Variants in PLG observed in about 807,000 individuals in gnomAD.
PLG encodes plasminogen.
A neutral mutation model predicts 104.4 loss-of-function variants in PLG; 41 were observed. The ratio of observed to expected loss-of-function variants is 0.39; its 90% CI spans 0.31 to 0.51. The LOEUF (loss-of-function observed/expected upper bound fraction) is 0.51. Among genes scored for constraint, PLG ranks in the 20% least tolerant of loss-of-function variants. PLG has a pLI of 0.76. For missense variants in PLG, 891 were observed against 1,003.6 expected (o/e 0.89, Z 1.52); for synonymous variants, 337 against 357.1 (o/e 0.94, Z 0.63).
rs1167388829 is a variant in PLG, at chr6:160,737,437, C to A, written c.1802+430C>A. On this transcript the variant is annotated intron_variant, in intron 14 of 18. Transcript: ENST00000308192. This position sits in a 1 kb window ranked among gnomAD's most constrained non-coding sequence, Gnocchi z 4.7. ...CTCCAGTCTATCACAGGCACAGATT[C>A]TTTTTCTTTGGACACTTTCGTGAAT... Among the ~76,000 whole-genome samples the A allele has an allele frequency of 6.6e-6, 1 of 152,164 alleles. No individual in the cohort carries two copies. The highest frequency in any genetic ancestry group is 1.5e-5 in the Non-Finnish European group (1 of 68,040).
At chr6:160,711,381 C>T (rs1777638073) in intron 4 of PLG, 190 bp downstream of exon 4, 6 of 695,056 alleles carry the variant, frequency 8.6e-6, no homozygotes, top group Non-Finnish European at 1.5e-5. Flanking sequence ...AATGTAAATG[C>T]TATTTAATCG....
At chr6:160,729,715 C>G (rs1777968971) in intron 10 of PLG, among the ~76,000 whole-genome samples, 1 of 152,154 alleles carries the variant, frequency 6.6e-6, no homozygotes, top group Admixed American at 6.6e-5. Flanking sequence ...TAGTATTTCC[C>G]TCTGGCAGTG....
intron 7 of PLG, 132 bp from the exon 8 acceptor site, chr6:160,718,162 G>T (rs1350016913): frequency 2.6e-5 from 20 of 759,402 alleles, no homozygotes; most frequent in Non-Finnish European, 4.6e-5. Flanking sequence ...TGAGGCAGGA[G>T]AATGACTTGA....
rs372972552 is a variant in PLG, at chr6:160,706,480, G to T, written c.123G>T (p.Leu41=). The T allele has an allele frequency of 1.2e-6, 2 of 1,613,774 alleles. No individual in the cohort carries two copies. The highest frequency in any genetic ancestry group is 1.3e-5 in the African/African-American group (1 of 74,912). Residue 41 remains leucine, a synonymous_variant, in exon 2 of 19, where the codon CTG becomes CTT. Coordinates refer to ENST00000308192, the MANE Select transcript of PLG (RefSeq NM_000301.5). ...ASLFSVTKKQ[L]GAGSIEECAA... is the part of the protein sequence containing the mutation. The stretch of plus-strand genomic sequence containing the variant: ...TGTTCAGTGTCACTAAGAAGCAGCT[G>T]GGAGCAGGAAGTATAGAAGAATGTG...
In PLG at chr6:160,748,443, G is replaced by A. The variant is rs1778331998; in HGVS notation, c.2126-3672G>A. On this transcript the variant is annotated intron_variant, in intron 17 of 18. Coordinates refer to ENST00000308192, the MANE Select transcript of PLG (RefSeq NM_000301.5). ...GAAAGAAAGAGAACGAAAGAAAGAA[G>A]GGAGGGAGGGAGGGAGGGAGGGAGG... Among the ~76,000 whole-genome samples the A allele has an allele frequency of 1.6e-3, 40 of 24,354 alleles. 10 individuals are homozygous for A. The East Asian group carries it at 0.31, about 190-fold the overall frequency. 16.0% of individuals were successfully genotyped at this position (24,354 alleles called of 152,430 possible).
chr6:160,743,645 C>A (rs1778231933), intron 17 of PLG, among the ~76,000 whole-genome samples: 1 of 152,146 alleles, frequency 6.6e-6, no homozygotes, highest in Admixed American at 6.5e-5. Context: ...TCTGGATGCC[C>A]TTTATTTCTT....
At chr6:160,718,564 A>T (rs1777782074) in intron 8 of PLG, 108 bp downstream of exon 8, 1 of 1,356,264 alleles carries the variant, frequency 7.4e-7, no homozygotes, top group Admixed American at 1.7e-5. Context: ...CTGGAAGAAA[A>T]ACTGATCTAG....
chr6:160,703,327 T>A (rs1777456458), intron 1 of PLG, among the ~76,000 whole-genome samples: 1 of 151,882 alleles, frequency 6.6e-6, no homozygotes, highest in South Asian at 2.1e-4. Context: ...CATTTAGGCA[T>A]ACAATCCAAT....
rs147736066 is a variant in PLG at position 160,704,808 on chromosome 6, A to G, written c.50-1599A>G. On this transcript the variant is annotated intron_variant, in intron 1 of 18. Coordinates refer to ENST00000308192, the MANE Select transcript of PLG (RefSeq NM_000301.5). The stretch of plus-strand genomic sequence containing the variant: ...GAGGACTTTGCATGAATCGATGAGC[A>G]TGCATCCACCTCCCTGTCCTGCCCC... 1.6e-4 allele frequency among the ~76,000 whole-genome samples: 24 copies of G among 152,338 alleles called. No individual in the cohort carries two copies. In the East Asian group the frequency reaches 2.5e-3, roughly 16 times the overall value.
At position 160,718,320 on chromosome 6, in the gene PLG, A is replaced by C. The variant is rs754598185; in HGVS notation, c.814A>C (p.Thr272Pro). ...CTTPPPSSGP[T>P]YQCLKGTGEN... is the part of the protein sequence containing the mutation. ...AACACCTCCACCATCTTCTGGTCCC[A>C]CCTACCAGTGTCTGAAGGGAACAGG... Residue 272 changes from threonine to proline, a missense_variant, in exon 8 of 19, where the codon ACC becomes CCC. By Grantham distance (38) the Thr-to-Pro change is conservative (BLOSUM62 -1). Coordinates refer to ENST00000308192, the MANE Select transcript of PLG (RefSeq NM_000301.5). The C allele has an allele frequency of 2.5e-6, 4 of 1,613,868 alleles. No homozygotes were observed. The highest frequency in any genetic ancestry group is 3.4e-6 in the Non-Finnish European group (4 of 1,179,830).
Position 160,740,284 on chromosome 6 carries a change from C to T in PLG, c.2019-1027C>T, listed in dbSNP as rs1778167827. On this transcript the variant is annotated intron_variant, in intron 16 of 18. Transcript: ENST00000308192. This position sits in a 1 kb window ranked among gnomAD's most constrained non-coding sequence, Gnocchi z 5.2. ...GCCTTTATAAACAGTAGCTGATCTC[C>T]CTCCTGCTCCCCAGTGTCCTCCCCG... Among the ~76,000 whole-genome samples, 1 of 152,174 alleles carries T rather than the reference C, an allele frequency of 6.6e-6. No homozygotes were observed. Among genetic ancestry groups the T allele is most frequent in the Non-Finnish European group, 1.5e-5 (1 of 68,016 alleles).
intron 17 of PLG, among the ~76,000 whole-genome samples, chr6:160,748,800 A>T (rs1282961346): frequency 2.0e-5 from 3 of 152,216 alleles, no homozygotes; most frequent in Admixed American, 6.5e-5. Flanking sequence ...GTGGCTGCAG[A>T]TGCTGTGGTG....
At chr6:160,720,685 C>T (rs1264962499) in intron 9 of PLG, among the ~76,000 whole-genome samples, 2 of 152,116 alleles carry the variant, frequency 1.3e-5, no homozygotes, top group African/African-American at 4.8e-5. Flanking sequence ...TTCCAAAGTG[C>T]TGACAGTACA....
chr6:160,706,232 C>G, intron 1 of PLG, 175 bp from the exon 2 acceptor site: 1 of 789,924 alleles, frequency 1.3e-6, no homozygotes, highest in African/African-American at 1.7e-5. Flanking sequence ...TGTCCAAATG[C>G]CCGACTGTGT....
chr6:160,753,180 T>A lies in PLG; in HGVS notation c.*119T>A, dbSNP rs1778437808. 2 of 686,398 alleles carry A rather than the reference T, an allele frequency of 2.9e-6. No individual in the cohort carries two copies. Among genetic ancestry groups the A allele is most frequent in the South Asian group, 3.7e-5 (2 of 54,464 alleles). The allele number at this position is 686,398 out of a possible 1,614,324, so 42.5% of individuals were successfully genotyped here. A position where few individuals can be genotyped will look rare whatever the true frequency, so the allele number is the denominator to read the frequency against. Reference sequence around the variant, plus strand: ...GAAGACACTGTCCCCAGCTACCAGCTACGCCAAACCTCGGCATTTTTTGTG... The same window carrying A: ...GAAGACACTGTCCCCAGCTACCAGCAACGCCAAACCTCGGCATTTTTTGTG... On this transcript the variant is annotated 3_prime_UTR_variant, in exon 19 of 19. Coordinates refer to ENST00000308192, the MANE Select transcript of PLG (RefSeq NM_000301.5). This position sits in a 1 kb window ranked among gnomAD's most constrained non-coding sequence, Gnocchi z 5.4.
At position 160,736,127 on chromosome 6, in the gene PLG, C is replaced by A. The variant is rs1582946737; in HGVS notation, c.1682-760C>A. Among the ~76,000 whole-genome samples the A allele has an allele frequency of 6.6e-6, 1 of 152,132 alleles. No individual in the cohort carries two copies. The highest frequency in any genetic ancestry group is 1.9e-4 in the East Asian group (1 of 5,196). ...GACAACAGAGAAGCATTTTTGAATA[C>A]CCTCTGCAGCCCCTGCACTGTTGTA... On this transcript the variant is annotated intron_variant, in intron 13 of 18. Coordinates refer to ENST00000308192, the MANE Select transcript of PLG (RefSeq NM_000301.5). The surrounding 1 kb of genome is among the most constrained non-coding windows in gnomAD (Gnocchi z 5.2).
chr6:160,726,702 ATG>A lies in PLG; in HGVS notation c.1256+4140_1256+4141del, dbSNP rs1362084483. On this transcript the variant is annotated intron_variant, in intron 10 of 18. Coordinates refer to ENST00000308192, the MANE Select transcript of PLG (RefSeq NM_000301.5). This position sits in a 1 kb window ranked among gnomAD's most constrained non-coding sequence, Gnocchi z 4.4. ...CATTATCTCTCTGATGGCTAATAAA[ATG>A]TGTGATTGTCTATTATGTTTAAAAA... Among the ~76,000 whole-genome samples, 4 of 152,050 alleles carry A rather than the reference ATG, an allele frequency of 2.6e-5. No individual in the cohort carries two copies. Among genetic ancestry groups the A allele is most frequent in the Non-Finnish European group, 5.9e-5 (4 of 67,880 alleles).
Position 160,738,784 on chromosome 6 carries a change from G to C in PLG, c.1877+172G>C, listed in dbSNP as rs1311010571. On this transcript the variant is annotated intron_variant, in intron 15 of 18. Transcript: ENST00000308192. This position sits in a 1 kb window ranked among gnomAD's most constrained non-coding sequence, Gnocchi z 6.8. The stretch of plus-strand genomic sequence containing the variant: ...GAGAGAAGGGAAGGGTTTCTAGAAA[G>C]AAACTGCAGAGGAAAGACACAGTAC... Among the ~76,000 whole-genome samples the C allele has an allele frequency of 6.6e-6, 1 of 152,160 alleles. No homozygotes were observed. Among genetic ancestry groups the C allele is most frequent in the African/African-American group, 2.4e-5 (1 of 41,436 alleles).
Position 160,735,518 on chromosome 6 carries a change from C to G in PLG, c.1682-1369C>G, listed in dbSNP as rs2115177188. On this transcript the variant is annotated intron_variant, in intron 13 of 18. Transcript: ENST00000308192. This position sits in a 1 kb window ranked among gnomAD's most constrained non-coding sequence, Gnocchi z 5.4. ...AGGACTGTGAGGTCCCCCACCTAAC[C>G]TTGATGTGAGACAAGTGAGGTTAAC... is the stretch of plus-strand genomic sequence containing the variant. 6.6e-6 allele frequency among the ~76,000 whole-genome samples: 1 copy of G among 152,278 alleles called. No homozygotes were observed.
Sources: gnomAD v4.1 joint callset for allele counts (sites outside exome capture counted in the v4.1 genomes callset) on GRCh38, gnomAD v4.1.1 for gene constraint, Gnocchi (gnomAD v3.1) non-coding constraint, MANE v1.5 for transcripts, NCBI Gene and HGNC (gene_info 2026-07-23, HGNC 2026-07-21) for gene names.